Variants in ASXL2 observed in about 807,000 individuals in gnomAD.
ASXL2 encodes the protein ASXL transcriptional regulator 2.
ASXL2 carries 23 observed loss-of-function variants against 122.0 expected under a neutral mutation model. The ratio of observed to expected loss-of-function variants is 0.19; its 90% CI spans 0.14 to 0.27. The LOEUF is 0.27. Ranked by LOEUF, ASXL2 falls within the 10% of genes least tolerant of loss-of-function variation. The pLI is 1.00. For missense variants in ASXL2, 1,518 were observed against 1,713.8 expected (o/e 0.89, Z 2.02); for synonymous variants, 650 against 637.0 (o/e 1.02, Z -0.31).
intron 2 of ASXL2, among the ~76,000 whole-genome samples, chr2:25,838,185 G>A (rs1299609204): frequency 6.6e-6 from 1 of 152,172 alleles, no homozygotes; most frequent in Non-Finnish European, 1.5e-5. Context: ...ATATGTAGTA[G>A]CTAATATTTA....
intron 3 of ASXL2, among the ~76,000 whole-genome samples, chr2:25,826,268 C>T (rs2089375367): frequency 6.6e-6 from 1 of 152,128 alleles, no homozygotes. Flanking sequence ...AAAAGTTTGA[C>T]ATTATTTCTT....
At chr2:25,775,082 T>TA (rs2088524007) in intron 5 of ASXL2, among the ~76,000 whole-genome samples, 1 of 152,188 alleles carries the variant, frequency 6.6e-6, no homozygotes, top group African/African-American at 2.4e-5. Context: ...CTTTTTTAGT[T>TA]AGTCTTCTGA....
At position 25,844,632 on chromosome 2, in the gene ASXL2, T is replaced by G. The variant is rs193269554; in HGVS notation, c.140+849A>C. ...AAAAAAAACACACACACACATTGAC[T>G]ATTAAGTATTACTGTAATTTTTTTT... On this transcript the variant is annotated intron_variant, in intron 2 of 12. Transcript: ENST00000435504. Among the ~76,000 whole-genome samples the G allele has an allele frequency of 9.3e-4, 140 of 150,604 alleles. 1 individual carries two copies. The highest frequency in any genetic ancestry group is 1.6e-3 in the Non-Finnish European group (109 of 67,478).
At chr2:25,854,403 G>C (rs1224548360) in intron 1 of ASXL2, among the ~76,000 whole-genome samples, 1 of 152,016 alleles carries the variant, frequency 6.6e-6, no homozygotes, top group South Asian at 2.1e-4. Flanking sequence ...TTTCAGATGT[G>C]AAAACTGAAG....
chr2:25,843,706 A>C (rs1184709383), intron 2 of ASXL2, among the ~76,000 whole-genome samples: 1 of 151,582 alleles, frequency 6.6e-6, no homozygotes, highest in Admixed American at 6.6e-5. Flanking sequence ...GGAGGCAGAG[A>C]TGAGAGAATC....
At chr2:25,811,619 A>G (rs765755464) in intron 3 of ASXL2, among the ~76,000 whole-genome samples, 1 of 152,210 alleles carries the variant, frequency 6.6e-6, no homozygotes, top group Non-Finnish European at 1.5e-5. Flanking sequence ...AATAGTGGTT[A>G]TAAAAAGGCA....
At position 25,767,733 on chromosome 2, in the gene ASXL2, G is replaced by GA. The variant is rs774082289; in HGVS notation, c.632-8dup. On this transcript the variant is annotated splice_region_variant and splice_polypyrimidine_tract_variant and intron_variant, in intron 7 of 12. Coordinates refer to ENST00000435504, the MANE Select transcript of ASXL2 (RefSeq NM_018263.6). ...TGCTTTCCTTCCCATGTTGCTAGGA[G>GA]AAAAAAATACGTATAAAGACTGGTA... 2 of 1,612,362 alleles carry GA rather than the reference G, an allele frequency of 1.2e-6. No individual in the cohort carries two copies. Among genetic ancestry groups the GA allele is most frequent in the East Asian group, 2.2e-5 (1 of 44,860 alleles).
intron 1 of ASXL2, among the ~76,000 whole-genome samples, chr2:25,862,607 G>C (rs1002197774): frequency 6.6e-6 from 1 of 152,094 alleles, no homozygotes; most frequent in African/African-American, 2.4e-5. Flanking sequence ...TTGTTTGTTT[G>C]TTTGTTTTTT....
intron 3 of ASXL2, among the ~76,000 whole-genome samples, chr2:25,831,667 C>A (rs2149186864): frequency 6.6e-6 from 1 of 151,792 alleles, no homozygotes; most frequent in African/African-American, 2.4e-5. Flanking sequence ...AAACAAAAAA[C>A]CTGAAGATGT....
intron 2 of ASXL2, among the ~76,000 whole-genome samples, chr2:25,843,814 T>TAAAAAAAAAAAAAA (rs541446675): frequency 2.7e-4 from 23 of 86,464 alleles, no homozygotes; most frequent in Admixed American, 4.0e-4. Context: ...CTCCATCTCT[T>TAAAAAAAAAAAAAA]AAAAAAAAAA....
Position 25,743,814 on chromosome 2 carries a change from G to T in ASXL2, c.2523C>A (p.Ile841=). ...CACAATGAACAGGTGAGGCACCTGA[G>T]ATTAGAGCAGGACCTGTTGGAGAAG... is the stretch of plus-strand genomic sequence containing the variant. The part of the protein sequence containing the change: ...KAPSPTGPAL[I]SGASPVHCAA... The change falls in exon 13 of 13, where the codon ATC becomes ATA. Residue 841 remains isoleucine (I), a synonymous_variant. Transcript: ENST00000435504. 1.2e-6 allele frequency: 2 copies of T among 1,614,040 alleles called. No individual in the cohort carries two copies. The highest frequency in any genetic ancestry group is 1.1e-5 in the South Asian group (1 of 91,072).
At chr2:25,758,400 T>C (rs77970031) in intron 9 of ASXL2, among the ~76,000 whole-genome samples, 220 of 152,216 alleles carry the variant, frequency 1.4e-3, no homozygotes, top group African/African-American at 5.0e-3. Context: ...TTCTTAAAAG[T>C]TGGGGGTTGG....
rs544564732 is a variant in ASXL2, at chr2:25,753,456, G to A, written c.1142+78C>T. On this transcript the variant is annotated intron_variant, in intron 11 of 12. Coordinates refer to ENST00000435504, the MANE Select transcript of ASXL2 (RefSeq NM_018263.6). ...GGAAACTGGGGCCTAGATTTTCTGA[G>A]AAGGTAATGAGATAAAGCACTACAT... 342 of 959,048 alleles carry A rather than the reference G, an allele frequency of 3.6e-4. 3 individuals are homozygous for A. In the African/African-American group the frequency reaches 5.5e-3, roughly 15 times the overall value. The allele number at this position is 959,048 out of a possible 1,614,324, so 59.4% of individuals were successfully genotyped here.
chr2:25,822,015 A>C (rs1199623100), intron 3 of ASXL2, among the ~76,000 whole-genome samples: 4 of 152,224 alleles, frequency 2.6e-5, no homozygotes, highest in Non-Finnish European at 4.4e-5. Flanking sequence ...CTGGCGAACT[A>C]AAGATTTAAT....
chr2:25,834,748 T>G (rs759285284), intron 3 of ASXL2, among the ~76,000 whole-genome samples: 1 of 152,152 alleles, frequency 6.6e-6, no homozygotes, highest in East Asian at 1.9e-4. Context: ...ACACAAAAAG[T>G]CAATTCAGTA....
intron 1 of ASXL2, among the ~76,000 whole-genome samples, chr2:25,868,636 G>C (rs2089929496): frequency 6.6e-6 from 1 of 152,194 alleles, no homozygotes; most frequent in African/African-American, 2.4e-5. Context: ...GTGTGTCTTA[G>C]CATAATTTTC....
At chr2:25,839,590 T>C (rs1377754986) in intron 2 of ASXL2, among the ~76,000 whole-genome samples, 2 of 149,472 alleles carry the variant, frequency 1.3e-5, no homozygotes, top group African/African-American at 4.9e-5. Context: ...TTTTCTTCCC[T>C]ATTACTCCTA....
intron 5 of ASXL2, among the ~76,000 whole-genome samples, chr2:25,773,459 A>T (rs2088490773): frequency 3.3e-5 from 5 of 151,856 alleles, no homozygotes; most frequent in Admixed American, 3.3e-4. Context: ...AGGTCAGGAG[A>T]TTGAGACCAT....
At chr2:25,844,202 T>C (rs746211671) in intron 2 of ASXL2, among the ~76,000 whole-genome samples, 26 of 152,162 alleles carry the variant, frequency 1.7e-4, no homozygotes, top group Admixed American at 1.2e-3. Context: ...AAATCTAACA[T>C]AGACTCCCAA....
Sources: gnomAD v4.1 joint callset for allele counts (sites outside exome capture counted in the v4.1 genomes callset) on GRCh38, gnomAD v4.1.1 for gene constraint, MANE v1.5 for transcripts, NCBI Gene and HGNC (gene_info 2026-07-23, HGNC 2026-07-21) for gene names.